DMD: variants seen among roughly 807,000 people sequenced by gnomAD.
DMD encodes the protein mutant dystrophin.
DMD carries 63 observed loss-of-function variants against 330.1 expected under a neutral mutation model. That is an observed-to-expected ratio of 0.19 (90% CI 0.16 to 0.24). The LOEUF is 0.24. DMD is among the 10% of genes least tolerant of loss of function. The probability of loss-of-function intolerance (pLI) is 1.00; values close to 1 mark genes in which losing one functional copy is unlikely to be tolerated. For missense variants in DMD, 3,344 were observed against 2,684.1 expected, an observed-to-expected ratio of 1.25 and a Z score of -5.43; for synonymous variants, 1,223 against 959.8, an observed-to-expected ratio of 1.27 and a Z score of -5.07.
At chrX:31,683,945 T>C (rs2082531035) in intron 52 of DMD, among the ~76,000 whole-genome samples, 1 of 112,248 alleles carries the variant, frequency 8.9e-6, no homozygotes, top group South Asian at 3.7e-4. Flanking sequence ...TTACGTTCTT[T>C]TTCTATTGCT....
chrX:32,005,152 T>C (rs2095652932), intron 44 of DMD, among the ~76,000 whole-genome samples: 1 of 112,017 alleles, frequency 8.9e-6, no homozygotes, highest in Non-Finnish European at 1.9e-5. Context: ...AAAGAGAAGA[T>C]TCCACCTGGA....
chrX:33,337,124 C>T (rs1684305771), intron 1 of DMD, among the ~76,000 whole-genome samples: 1 of 111,250 alleles, frequency 9.0e-6, no homozygotes, highest in Non-Finnish European at 1.9e-5. Context: ...TTAAAGTACG[C>T]TATCTTCATT....
intron 47 of DMD, among the ~76,000 whole-genome samples, chrX:31,896,658 C>T (rs1198860895): frequency 9.0e-6 from 1 of 111,363 alleles, no homozygotes; most frequent in African/African-American, 3.3e-5. Flanking sequence ...ATTCTTTTAC[C>T]TTTATTGAGT....
At chrX:32,550,209 A>T (rs2049398242) in intron 16 of DMD, among the ~76,000 whole-genome samples, 1 of 112,045 alleles carries the variant, frequency 8.9e-6, no homozygotes. Flanking sequence ...AAGGTACAAT[A>T]AAAATATGAT....
chrX:32,400,983 T>A (rs1184655983), intron 30 of DMD, among the ~76,000 whole-genome samples: 11 of 110,685 alleles, frequency 9.9e-5, no homozygotes, highest in Non-Finnish European at 1.7e-4. Flanking sequence ...CATATACACC[T>A]TGGAATACTA....
chrX:32,372,618 G>T (rs2097883681), intron 34 of DMD, among the ~76,000 whole-genome samples: 1 of 111,577 alleles, frequency 9.0e-6, no homozygotes, highest in Admixed American at 9.6e-5. Context: ...CTGTTGTCTG[G>T]ACCATGCAGC....
chrX:32,027,725 T>C (rs1052685987), intron 44 of DMD, among the ~76,000 whole-genome samples: 3 of 112,228 alleles, frequency 2.7e-5, no homozygotes, highest in African/African-American at 9.7e-5. Flanking sequence ...CCATCTTCTC[T>C]TGAGGAATAA....
At chrX:32,821,079 GAGCTAT>G (rs2078203701) in intron 5 of DMD, among the ~76,000 whole-genome samples, 1 of 111,051 alleles carries the variant, frequency 9.0e-6, no homozygotes, top group Non-Finnish European at 1.9e-5. Context: ...AGGCTCCTAT[GAGCTAT>G]TCTTTGTTGC....
At chrX:32,846,665 C>A (rs779845440) in intron 3 of DMD, among the ~76,000 whole-genome samples, 3 of 96,745 alleles carry the variant, frequency 3.1e-5, no homozygotes, top group Non-Finnish European at 6.0e-5. Flanking sequence ...TGTTGGTTTA[C>A]ATTCTGATAT....
intron 60 of DMD, among the ~76,000 whole-genome samples, chrX:31,421,722 G>T (rs908981392): frequency 1.8e-5 from 2 of 109,189 alleles, no homozygotes; most frequent in African/African-American, 6.6e-5. Flanking sequence ...GTTGAATTGT[G>T]TCTGATTTCT....
chrX:32,116,844 AAC>A (rs1187482081), intron 44 of DMD, among the ~76,000 whole-genome samples: 1 of 111,956 alleles, frequency 8.9e-6, no homozygotes, highest in Non-Finnish European at 1.9e-5. Flanking sequence ...TTGAAATTCT[AAC>A]ACTCTTCTTT....
intron 1 of DMD, among the ~76,000 whole-genome samples, chrX:33,173,708 A>G (rs2049486506): frequency 9.0e-6 from 1 of 111,307 alleles, no homozygotes; most frequent in Non-Finnish European, 1.9e-5. Flanking sequence ...TCCAAGCAAG[A>G]TGGATAAGAC....
intron 18 of DMD, among the ~76,000 whole-genome samples, chrX:32,514,442 G>C (rs918103525): frequency 1.8e-5 from 2 of 111,972 alleles, no homozygotes; most frequent in African/African-American, 6.5e-5. Context: ...TGCTGGTTTT[G>C]TTAAAATATG....
intron 47 of DMD, among the ~76,000 whole-genome samples, chrX:31,901,413 A>G (rs1407952115): frequency 2.7e-5 from 3 of 111,564 alleles, no homozygotes; most frequent in African/African-American, 9.8e-5. Flanking sequence ...GAATAGAACA[A>G]TGTCTACATG....
chrX:32,754,949 T>G (rs1448304630), intron 7 of DMD: 2 of 111,610 alleles, frequency 1.8e-5, no homozygotes, highest in Non-Finnish European at 3.8e-5. Context: ...ACAGCTTCTC[T>G]GCCTGCAACA....
At chrX:32,338,970 T>A (rs1200666874) in intron 41 of DMD, among the ~76,000 whole-genome samples, 2 of 112,388 alleles carry the variant, frequency 1.8e-5, no homozygotes, top group East Asian at 2.8e-4. Context: ...AAACAAATGC[T>A]GCGTACTTAA....
At chrX:31,245,504 A>C (rs1259636581) in intron 63 of DMD, among the ~76,000 whole-genome samples, 1 of 111,769 alleles carries the variant, frequency 8.9e-6, no homozygotes, top group East Asian at 2.8e-4. Flanking sequence ...ATTAAATTGC[A>C]CTTTGCTGTA....
At chrX:32,997,684 C>T (rs1039787191) in intron 2 of DMD, among the ~76,000 whole-genome samples, 2 of 112,301 alleles carry the variant, frequency 1.8e-5, no homozygotes, top group African/African-American at 3.2e-5. Flanking sequence ...CCACTATTTG[C>T]CTGAAAACAG....
chrX:31,992,982 A>C (rs1002478258), intron 44 of DMD, among the ~76,000 whole-genome samples: 4 of 111,786 alleles, frequency 3.6e-5, no homozygotes, highest in Non-Finnish European at 7.5e-5. Context: ...TAAAGAACAG[A>C]TTTGCATTTA....
Sources: allele counts gnomAD v4.1 joint callset (sites outside exome capture counted in the v4.1 genomes callset), GRCh38; gene constraint gnomAD v4.1.1; transcripts MANE v1.5; gene names NCBI Gene and HGNC (gene_info 2026-07-23, HGNC 2026-07-21).